The following VPS13D variants were observed in gnomAD, a reference collection of about 807,000 sequenced individuals.
VPS13D encodes intermembrane lipid transfer protein VPS13D.
A neutral mutation model predicts 461.9 loss-of-function variants in VPS13D; 187 were observed. The observed-to-expected ratio is 0.40, with a 90% confidence interval of 0.36 to 0.46. The LOEUF is 0.46. Ranked by LOEUF, VPS13D falls within the 20% of genes least tolerant of loss-of-function variation. The pLI, the probability that VPS13D is intolerant of heterozygous loss-of-function variation, is 0.60. For missense variants in VPS13D, 4,711 were observed against 5,364.9 expected, an observed-to-expected ratio of 0.88 and a Z score of 3.81; for synonymous variants, 1,951 against 1,986.3, an observed-to-expected ratio of 0.98 and a Z score of 0.47.
At chr1:12,385,509 G>A in intron 59 of VPS13D, 136 bp downstream of exon 59, 1 of 682,916 alleles carries the variant, frequency 1.5e-6, no homozygotes, top group East Asian at 2.9e-5. Flanking sequence ...AGTGTTTACT[G>A]TTTATCAGTG....
chr1:12,416,573 A>G, intron 64 of VPS13D, 87 bp from the exon 65 acceptor site: 1 of 1,390,464 alleles, frequency 7.2e-7, no homozygotes, highest in Non-Finnish European at 9.8e-7. Flanking sequence ...AACAAAATAG[A>G]TTTCTAAGCT....
At chr1:12,266,815 A>G (rs549659924) in intron 13 of VPS13D, 66 bp from the exon 14 acceptor site, 3 of 1,316,172 alleles carry the variant, frequency 2.3e-6, no homozygotes, top group African/African-American at 1.5e-5. Context: ...TAGAATATCT[A>G]ATATTTTCAA....
At chr1:12,284,750 T>C (rs1461874638) in intron 21 of VPS13D, among the ~76,000 whole-genome samples, 1 of 152,250 alleles carries the variant, frequency 6.6e-6, no homozygotes, top group African/African-American at 2.4e-5. Context: ...GTTGCCATTT[T>C]CTTATTTCCC....
At chr1:12,448,100 G>T (rs893549325) in intron 65 of VPS13D, among the ~76,000 whole-genome samples, 10 of 152,118 alleles carry the variant, frequency 6.6e-5, no homozygotes, top group African/African-American at 2.4e-4. Flanking sequence ...CTCCATGGGT[G>T]GTGTTCTCCC....
In VPS13D at chr1:12,405,395, C is replaced by A. The variant is rs192628487; in HGVS notation, c.12030+1422C>A. Among the ~76,000 whole-genome samples the A allele has an allele frequency of 2.6e-4, 40 of 152,320 alleles. No individual in the cohort carries two copies. In the East Asian group the frequency reaches 7.5e-3, roughly 29 times the overall value. ...CCTCATGTGGCCGTGTCTGCCAACT[C>A]ACAGCTTCTAAAATTGACACACAGG... On this transcript the variant is annotated intron_variant, in intron 63 of 69. Coordinates refer to ENST00000620676, the MANE Select transcript of VPS13D (RefSeq NM_015378.4).
chr1:12,350,267 T>A (rs1643764918), intron 46 of VPS13D, among the ~76,000 whole-genome samples: 1 of 152,166 alleles, frequency 6.6e-6, no homozygotes, highest in Non-Finnish European at 1.5e-5. Flanking sequence ...AGAGAGATCA[T>A]CTGCTGGGCC....
In VPS13D at chr1:12,271,041, C is replaced by A. The variant is rs756025227; in HGVS notation, c.2020C>A (p.Arg674=). 24 of 1,613,670 alleles carry A rather than the reference C, an allele frequency of 1.5e-5. No homozygotes were observed. Among genetic ancestry groups the A allele is most frequent in the Non-Finnish European group, 1.9e-5 (22 of 1,179,880 alleles). Residue 674 remains arginine (R), a synonymous_variant, in exon 17 of 70, where the codon CGA becomes AGA. Coordinates refer to ENST00000620676, the MANE Select transcript of VPS13D (RefSeq NM_015378.4). ...TGAGCTGAGAGTGGCTGAAGCTGCCCGAAGACAATATAACAAGCTGAAGAT... is the reference window on the plus strand; with the variant it reads ...TGAGCTGAGAGTGGCTGAAGCTGCCAGAAGACAATATAACAAGCTGAAGAT... ...ELELRVAEAA[R]RQYNKLKMQT...
chr1:12,500,956 AG>A (rs1387399150), intron 68 of VPS13D, among the ~76,000 whole-genome samples: 1 of 151,812 alleles, frequency 6.6e-6, no homozygotes, highest in African/African-American at 2.4e-5. Flanking sequence ...TGGGAAGCTG[AG>A]GTGGGAGGAT....
At chr1:12,232,229 G>A (rs1281813585) in intron 1 of VPS13D, among the ~76,000 whole-genome samples, 2 of 151,956 alleles carry the variant, frequency 1.3e-5, no homozygotes, top group Non-Finnish European at 2.9e-5. Context: ...TGTCACTGTT[G>A]ACCAATAAAA....
At chr1:12,326,322 T>A (rs1401699410) in intron 35 of VPS13D, among the ~76,000 whole-genome samples, 3 of 115,966 alleles carry the variant, frequency 2.6e-5, no homozygotes, top group Non-Finnish European at 5.0e-5. Flanking sequence ...ACCTTTTGGA[T>A]TTTTTTTTTT....
intron 65 of VPS13D, among the ~76,000 whole-genome samples, chr1:12,420,857 T>C (rs1195910495): frequency 6.6e-6 from 1 of 152,194 alleles, no homozygotes; most frequent in African/African-American, 2.4e-5. Flanking sequence ...TGAAACCCAG[T>C]GAGGAGTTAA....
intron 67 of VPS13D, among the ~76,000 whole-genome samples, chr1:12,493,183 T>TAA (rs779968098): frequency 4.3e-5 from 5 of 116,772 alleles, no homozygotes; most frequent in East Asian, 2.4e-4. Context: ...GACCAGTTAT[T>TAA]AAAAAAAAAA....
chr1:12,339,163 C>T (rs1643513025), intron 40 of VPS13D, among the ~76,000 whole-genome samples: 1 of 152,064 alleles, frequency 6.6e-6, no homozygotes, highest in Admixed American at 6.6e-5. Context: ...AAAGAAAGCC[C>T]AGAGCTGAAT....
chr1:12,235,130 A>G (rs893797576), intron 2 of VPS13D, among the ~76,000 whole-genome samples: 2 of 152,246 alleles, frequency 1.3e-5, no homozygotes, highest in African/African-American at 4.8e-5. Context: ...GTGTAAAATC[A>G]TAGGAAATGG....
At chr1:12,388,375 G>T (rs568199803) in intron 60 of VPS13D, among the ~76,000 whole-genome samples, 2 of 152,120 alleles carry the variant, frequency 1.3e-5, no homozygotes, top group Non-Finnish European at 2.9e-5. Context: ...AGGAGTTCGG[G>T]ACCAGCCTGG....
At chr1:12,288,816 G>T (rs780042814) in intron 22 of VPS13D, among the ~76,000 whole-genome samples, 5 of 152,048 alleles carry the variant, frequency 3.3e-5, no homozygotes, top group Non-Finnish European at 7.4e-5. Context: ...GTGTTATGCA[G>T]GAGGACATTG....
chr1:12,275,388 C>T (rs1430934171), intron 18 of VPS13D, among the ~76,000 whole-genome samples: 2 of 152,144 alleles, frequency 1.3e-5, no homozygotes, highest in Non-Finnish European at 2.9e-5. Flanking sequence ...GCACTCCAGC[C>T]TGGGTGACAG....
chr1:12,396,395 A>G (rs1644499564), intron 60 of VPS13D, among the ~76,000 whole-genome samples: 1 of 152,118 alleles, frequency 6.6e-6, no homozygotes, highest in African/African-American at 2.4e-5. Flanking sequence ...TAACTTTCGG[A>G]GTTCTGAAAA....
chr1:12,269,354 A>G (rs1641366270), intron 16 of VPS13D, among the ~76,000 whole-genome samples: 1 of 152,238 alleles, frequency 6.6e-6, no homozygotes, highest in Non-Finnish European at 1.5e-5. Context: ...AATAGATGAA[A>G]GTACTACAGG....
Sources: gnomAD v4.1 joint callset for allele counts (sites outside exome capture counted in the v4.1 genomes callset) on GRCh38, gnomAD v4.1.1 for gene constraint, MANE v1.5 for transcripts, NCBI Gene and HGNC (gene_info 2026-07-23, HGNC 2026-07-21) for gene names.